INPP4B: variants seen among roughly 807,000 people sequenced by gnomAD.
The protein encoded by INPP4B is inositol polyphosphate 4-phosphatase type II.
In INPP4B, 55 loss-of-function variants were observed where a neutral mutation model predicts 122.5. The observed-to-expected ratio is 0.45, with a 90% CI of 0.36 to 0.56. The LOEUF (loss-of-function observed/expected upper bound fraction) is 0.56, where lower values mean the gene tolerates loss of function less well. Ranked by LOEUF, INPP4B falls within the 20% of genes least tolerant of loss-of-function variation. The pLI, the probability that INPP4B is intolerant of heterozygous loss-of-function variation, is 0.00. For missense variants in INPP4B, 1,000 were observed against 1,097.7 expected, an observed-to-expected ratio of 0.91 and a Z score of 1.26; for synonymous variants, 403 against 388.7, an observed-to-expected ratio of 1.04 and a Z score of -0.43.
At chr4:142,549,650 G>C in intron 2 of INPP4B, among the ~76,000 whole-genome samples, 1 of 152,080 alleles carries the variant, frequency 6.6e-6, no homozygotes, top group East Asian at 1.9e-4. Flanking sequence ...CCTTTTTTAT[G>C]GCCCCTCAAC....
At chr4:142,480,032 C>T (rs567896664) in intron 2 of INPP4B, among the ~76,000 whole-genome samples, 51 of 152,264 alleles carry the variant, frequency 3.3e-4, no homozygotes, top group African/African-American at 1.1e-3. Flanking sequence ...TCAAAATAGA[C>T]TATCACTAGT....
chr4:142,074,142 G>C (rs1769164608), intron 25 of INPP4B, among the ~76,000 whole-genome samples: 1 of 152,026 alleles, frequency 6.6e-6, no homozygotes, highest in Non-Finnish European at 1.5e-5. Context: ...TTAAAAAAAT[G>C]CACCACTCCT....
chr4:142,037,052 A>G (rs1292628045), intron 25 of INPP4B, among the ~76,000 whole-genome samples: 2 of 152,210 alleles, frequency 1.3e-5, no homozygotes, highest in African/African-American at 4.8e-5. Context: ...TGGCATTCCA[A>G]TGTCATTAGT....
At chr4:142,830,932 G>A (rs1376524236) in intron 1 of INPP4B, among the ~76,000 whole-genome samples, 3 of 151,716 alleles carry the variant, frequency 2.0e-5, no homozygotes, top group Admixed American at 6.6e-5. Context: ...TGAGGTGGGA[G>A]GATCAGTTGG....
chr4:142,333,594 T>C (rs1775509996), intron 7 of INPP4B, among the ~76,000 whole-genome samples: 1 of 152,222 alleles, frequency 6.6e-6, no homozygotes. Context: ...ATAAATATCA[T>C]ATAATTCAAC....
chr4:142,041,836 C>T (rs1193537474), intron 25 of INPP4B, among the ~76,000 whole-genome samples: 2 of 152,066 alleles, frequency 1.3e-5, no homozygotes, highest in Non-Finnish European at 2.9e-5. Flanking sequence ...TCATTTGATG[C>T]TGCATTACAG....
chr4:142,296,862 G>A (rs1375188595), intron 9 of INPP4B, among the ~76,000 whole-genome samples: 1 of 152,126 alleles, frequency 6.6e-6, no homozygotes, highest in Non-Finnish European at 1.5e-5. Context: ...GAAAATTTCA[G>A]GAAATCGTGT....
At chr4:142,318,807 T>A (rs75482114) in intron 7 of INPP4B, among the ~76,000 whole-genome samples, 2,265 of 152,304 alleles carry the variant, frequency 0.015, 52 homozygotes, top group African/African-American at 0.051. Context: ...CCAGGTAGCA[T>A]ACAGTGGGTT....
chr4:142,503,840 A>G (rs1197658993), intron 2 of INPP4B, among the ~76,000 whole-genome samples: 1 of 152,160 alleles, frequency 6.6e-6, no homozygotes, highest in Non-Finnish European at 1.5e-5. Context: ...ATCTTGCTAT[A>G]TAAGATCAGT....
chr4:142,539,844 T>G (rs181503870), intron 2 of INPP4B, among the ~76,000 whole-genome samples: 19 of 152,188 alleles, frequency 1.2e-4, no homozygotes, highest in Admixed American at 1.2e-3. Flanking sequence ...TAGCGTACTT[T>G]AGATGACTTT....
At chr4:142,403,345 T>G (rs777509828) in intron 6 of INPP4B, among the ~76,000 whole-genome samples, 1 of 152,220 alleles carries the variant, frequency 6.6e-6, no homozygotes, top group Non-Finnish European at 1.5e-5. Flanking sequence ...GTTAGTTAAT[T>G]TAAAATACAC....
intron 7 of INPP4B, 67 bp downstream of exon 7, chr4:142,402,871 C>CA: frequency 1.2e-6 from 1 of 826,568 alleles, no homozygotes. Flanking sequence ...GTCAGTTACA[C>CA]AAAAAATCCA....
chr4:142,307,173 T>C (rs1298509914), intron 8 of INPP4B, among the ~76,000 whole-genome samples: 1 of 152,038 alleles, frequency 6.6e-6, no homozygotes, highest in Non-Finnish European at 1.5e-5. Flanking sequence ...CATGCAGAAA[T>C]TAGGGTGACT....
intron 2 of INPP4B, among the ~76,000 whole-genome samples, chr4:142,625,533 A>G (rs1260801471): frequency 6.6e-6 from 1 of 152,140 alleles, no homozygotes; most frequent in African/African-American, 2.4e-5. Context: ...GGAAGAATCA[A>G]TATCGTGAAA....
At position 142,431,335 on chromosome 4, in the gene INPP4B, T is replaced by A; in HGVS notation, c.-76A>T. The A allele has an allele frequency of 1.0e-6, 1 of 977,600 alleles. No individual in the cohort carries two copies. The highest frequency in any genetic ancestry group is 1.6e-6 in the Non-Finnish European group (1 of 613,042). The allele number at this position is 977,600 out of a possible 1,614,324, so 60.6% of individuals were successfully genotyped here. On this transcript the variant is annotated 5_prime_UTR_variant, in exon 4 of 26. Coordinates refer to ENST00000262992, the MANE Select transcript of INPP4B (RefSeq NM_001101669.3). ...AGTTCTAGTGATTCCTGGTTTAATG[T>A]AGATGTATCTTCACACTAAAGATCT... is the stretch of plus-strand genomic sequence containing the variant.
intron 2 of INPP4B, among the ~76,000 whole-genome samples, chr4:142,520,507 G>A (rs906352393): frequency 6.6e-6 from 1 of 151,880 alleles, no homozygotes; most frequent in Admixed American, 6.6e-5. Flanking sequence ...AAAATTTCAA[G>A]TCAATAAATT....
intron 1 of INPP4B, among the ~76,000 whole-genome samples, chr4:142,789,786 T>A (rs1776276943): frequency 1.3e-5 from 2 of 151,980 alleles, no homozygotes; most frequent in South Asian, 4.2e-4. Context: ...AAACCAAGAC[T>A]AAGCAAAAAG....
chr4:142,582,161 C>T (rs1290661547), intron 2 of INPP4B, among the ~76,000 whole-genome samples: 1 of 150,408 alleles, frequency 6.6e-6, no homozygotes, highest in Admixed American at 6.7e-5. Context: ...ACTCATTTCC[C>T]TAATCTGCTG....
At chr4:142,820,023 A>G (rs1780607225) in intron 1 of INPP4B, among the ~76,000 whole-genome samples, 2 of 152,172 alleles carry the variant, frequency 1.3e-5, no homozygotes, top group East Asian at 1.9e-4. Context: ...CCCTCAATAA[A>G]TAATGGCACC....
Sources: gnomAD v4.1 joint callset for allele counts (sites outside exome capture counted in the v4.1 genomes callset) on GRCh38, gnomAD v4.1.1 for gene constraint, MANE v1.5 for transcripts, NCBI Gene and HGNC (gene_info 2026-07-23, HGNC 2026-07-21) for gene names.